The following EWSR1 variants were observed in gnomAD, a reference collection of about 807,000 sequenced individuals.
EWSR1 encodes EWS RNA binding protein 1, also known as RNA-binding protein EWS.
In EWSR1, 14 loss-of-function variants were observed where a neutral mutation model predicts 92.1. The observed-to-expected ratio is 0.15, with a 90% CI of 0.10 to 0.24. EWSR1 has a LOEUF of 0.24. Among genes scored for constraint, EWSR1 ranks in the 10% least tolerant of loss-of-function variants. The pLI is 1.00. For synonymous variants in EWSR1, 303 were observed against 292.9 expected (o/e 1.03, Z -0.35); for missense variants, 637 against 870.9 (o/e 0.73, Z 3.38).
chr22:29,296,857 A>G (rs1267382393), intron 12 of EWSR1, among the ~76,000 whole-genome samples: 1 of 152,088 alleles, frequency 6.6e-6, no homozygotes, highest in Non-Finnish European at 1.5e-5. Flanking sequence ...CCTGGGGAAC[A>G]TGGCAAAACC....
At chr22:29,298,685 T>C (rs774895666) in intron 13 of EWSR1, 48 bp from the exon 14 acceptor site, 45 of 1,606,832 alleles carry the variant, frequency 2.8e-5, no homozygotes, top group Non-Finnish European at 3.7e-5. Flanking sequence ...ATAGCAAATT[T>C]GGTGCTACAG....
At chr22:29,272,091 C>A in intron 1 of EWSR1, 125 bp from the exon 2 acceptor site, 1 of 803,168 alleles carries the variant, frequency 1.2e-6, no homozygotes, top group South Asian at 1.5e-5. Context: ...CTCATTTGGA[C>A]CTGTGTTGGC....
At chr22:29,276,518 G>T in intron 4 of EWSR1, 1 of 223,796 alleles carries the variant, frequency 4.5e-6, no homozygotes, top group East Asian at 6.5e-5. Context: ...GCTGATACTT[G>T]TTTCTGGCCA....
At chr22:29,278,296 G>T (rs2059276109) in intron 5 of EWSR1, 80 bp downstream of exon 5, 1 of 1,388,136 alleles carries the variant, frequency 7.2e-7, no homozygotes, top group Admixed American at 2.3e-5. Context: ...AATAATCTGT[G>T]GTTTAGTTCC....
At chr22:29,297,442 A>G (rs1485870645) in intron 12 of EWSR1, among the ~76,000 whole-genome samples, 1 of 152,086 alleles carries the variant, frequency 6.6e-6, no homozygotes, top group Admixed American at 6.5e-5. Flanking sequence ...CTATAATCCT[A>G]CCACTTCAGG....
At position 29,296,158 on chromosome 22, in the gene EWSR1, C is replaced by G. The variant is rs2060843261; in HGVS notation, c.1165-81C>G. On this transcript the variant is annotated intron_variant, in intron 11 of 16. Coordinates refer to ENST00000397938, the MANE Select transcript of EWSR1 (RefSeq NM_005243.4). ...ACTTACTACATGTGAGAAATTGGTA[C>G]TTTTCCTGGATTTTGCCTGGACTTT... is the stretch of plus-strand genomic sequence containing the variant. The G allele has an allele frequency of 2.1e-6, 3 of 1,440,524 alleles. No homozygotes were observed. The African/African-American group carries it at 4.3e-5, about 21-fold the overall frequency. The allele number at this position is 1,440,524 out of a possible 1,614,324, so 89.2% of individuals were successfully genotyped here.
At chr22:29,273,276 A>G (rs896504129) in intron 3 of EWSR1, among the ~76,000 whole-genome samples, 3 of 152,072 alleles carry the variant, frequency 2.0e-5, no homozygotes. Context: ...CTGGTTTTCA[A>G]TTTTTTCTGA....
intron 3 of EWSR1, among the ~76,000 whole-genome samples, 172 bp downstream of exon 3, chr22:29,272,603 TAAATG>T (rs900672731): frequency 1.3e-5 from 2 of 152,242 alleles, no homozygotes; most frequent in African/African-American, 4.8e-5. Context: ...TGTGCCATCA[TAAATG>T]AAACCATTCA....
chr22:29,299,576 T>A, intron 15 of EWSR1, 23 bp from the exon 16 acceptor site: 2 of 1,564,818 alleles, frequency 1.3e-6, no homozygotes, highest in South Asian at 2.4e-5. Flanking sequence ...CTGACTGCTT[T>A]CGCCCTGCTA....
At chr22:29,276,625 T>TG in intron 4 of EWSR1, 1 of 227,218 alleles carries the variant, frequency 4.4e-6, no homozygotes, top group East Asian at 6.3e-5. Flanking sequence ...TTTAGTGAGA[T>TG]GTAGACTTTT....
At chr22:29,270,764 C>G (rs572660553) in intron 1 of EWSR1, among the ~76,000 whole-genome samples, 5 of 152,178 alleles carry the variant, frequency 3.3e-5, no homozygotes, top group African/African-American at 1.2e-4. Flanking sequence ...TTAAATGATT[C>G]ATTGCTGTGT....
chr22:29,275,703 G>A (rs2059055361), intron 4 of EWSR1: 1 of 229,372 alleles, frequency 4.4e-6, no homozygotes, highest in Non-Finnish European at 8.6e-6. Context: ...TCATTGGAGG[G>A]AATACATAGA....
chr22:29,292,196 A>G (rs369008985), intron 10 of EWSR1, 27 bp downstream of exon 10: 19 of 1,610,994 alleles, frequency 1.2e-5, no homozygotes, highest in Non-Finnish European at 1.6e-5. Flanking sequence ...GTTGTGCTTC[A>G]TATCGTGCTT....
chr22:29,296,349 T>G lies in EWSR1; in HGVS notation c.1275T>G (p.Ala425=). ...VSYEDPPTAK[A]AVEWFDGKDF... is the part of the protein sequence containing the mutation. ...ATGAAGACCCACCCACTGCCAAGGC[T>G]GCCGTGGAATGGTTTGATGGTGAGA... Residue 425 remains alanine, a synonymous_variant, in exon 12 of 17, where the codon GCT becomes GCG. Transcript: ENST00000397938. 1.9e-6 allele frequency: 3 copies of G among 1,614,142 alleles called. No individual in the cohort carries two copies. The highest frequency in any genetic ancestry group is 2.5e-6 in the Non-Finnish European group (3 of 1,179,976).
chr22:29,268,535 C>G (rs182158627), intron 1 of EWSR1, among the ~76,000 whole-genome samples, 186 bp downstream of exon 1: 1 of 152,208 alleles, frequency 6.6e-6, no homozygotes, highest in East Asian at 1.9e-4. Context: ...CGGGCCGGTT[C>G]TGGAATCTTC....
At chr22:29,290,900 C>T (rs1439515624) in intron 8 of EWSR1, 4 of 248,282 alleles carry the variant, frequency 1.6e-5, no homozygotes, top group African/African-American at 4.4e-5. Context: ...AGTAATTTTA[C>T]ATGGCCATAG....
intron 11 of EWSR1, 87 bp from the exon 12 acceptor site, chr22:29,296,152 T>G: frequency 7.4e-7 from 1 of 1,360,138 alleles, no homozygotes; most frequent in Non-Finnish European, 1.0e-6. Context: ...ATGTGAGAAA[T>G]TGGTACTTTT....
chr22:29,288,610 A>G lies in EWSR1; in HGVS notation c.798A>G (p.Ser266=), dbSNP rs1403475362. Residue 266 remains serine (S), a synonymous_variant, in exon 8 of 17, where the codon TCA becomes TCG. Coordinates refer to ENST00000397938, the MANE Select transcript of EWSR1 (RefSeq NM_005243.4). ...CAGATGTGACTCTTTCCTCAGGTTCATTCCGACAGGACCACCCCAGTAGCA... is the reference window on the plus strand; with the variant it reads ...CAGATGTGACTCTTTCCTCAGGTTCGTTCCGACAGGACCACCCCAGTAGCA... ...QQSSSYGQQS[S]FRQDHPSSMG... 1 of 1,611,084 alleles carries G rather than the reference A, an allele frequency of 6.2e-7. No homozygotes were observed. Among genetic ancestry groups the G allele is most frequent in the Admixed American group, 1.7e-5 (1 of 59,778 alleles).
intron 11 of EWSR1, among the ~76,000 whole-genome samples, chr22:29,292,826 G>A (rs561778766): frequency 4.1e-5 from 6 of 146,340 alleles, no homozygotes; most frequent in African/African-American, 1.3e-4. Flanking sequence ...GTGCAATGGC[G>A]CAAGTCTTGG....
Sources: gnomAD v4.1 joint callset for allele counts (sites outside exome capture counted in the v4.1 genomes callset) on GRCh38, gnomAD v4.1.1 for gene constraint, MANE v1.5 for transcripts, NCBI Gene and HGNC (gene_info 2026-07-23, HGNC 2026-07-21) for gene names.